The following UVSSA variants were observed in gnomAD, a reference collection of about 807,000 sequenced individuals.
The protein encoded by UVSSA is UV-stimulated scaffold protein A.
A neutral mutation model predicts 73.9 loss-of-function variants in UVSSA; 72 were observed. That is an observed-to-expected ratio of 0.97 (90% CI 0.81 to 1.19). UVSSA has a LOEUF of 1.19. Ranked by LOEUF, UVSSA falls within the 50% of genes most tolerant of loss-of-function variation. The pLI is 0.00. For synonymous variants in UVSSA, 454 were observed against 391.3 expected, an observed-to-expected ratio of 1.16 and a Z score of -1.89; for missense variants, 1,150 against 965.0, an observed-to-expected ratio of 1.19 and a Z score of -2.54.
chr4:1,350,733 C>T (rs1314629648), intron 3 of UVSSA, among the ~76,000 whole-genome samples: 2 of 149,792 alleles, frequency 1.3e-5, no homozygotes, highest in Admixed American at 6.7e-5. Context: ...AGTTTGAGTC[C>T]AGCCTTGGTA....
chr4:1,383,620 A>T, intron 12 of UVSSA, 146 bp from the exon 13 acceptor site: 1 of 889,196 alleles, frequency 1.1e-6, no homozygotes, highest in Non-Finnish European at 1.7e-6. Context: ...GCATCCTCTC[A>T]GGCTTGCTGC....
At chr4:1,354,676 G>C (rs555500665) in intron 5 of UVSSA, 59 bp from the exon 6 acceptor site, 10 of 1,501,760 alleles carry the variant, frequency 6.7e-6, no homozygotes, top group Non-Finnish European at 9.2e-6. Flanking sequence ...CTGCCTCTCC[G>C]GGGCCTGTGG....
intron 10 of UVSSA, among the ~76,000 whole-genome samples, chr4:1,377,935 A>G (rs1434226173): frequency 6.6e-6 from 1 of 152,200 alleles, no homozygotes; most frequent in East Asian, 1.9e-4. Flanking sequence ...ATGGGGGTAC[A>G]TGGGCTGGTG....
In UVSSA at chr4:1,378,730, T is replaced by G. The variant is rs1361041047; in HGVS notation, c.1569-1317T>G. On this transcript the variant is annotated intron_variant, in intron 10 of 13. Coordinates refer to ENST00000389851, the MANE Select transcript of UVSSA (RefSeq NM_020894.4). Reference sequence around the variant, plus strand: ...TCCGGGTGGCAGAATGCATCGCTGCTTCTCCCACGGGGCCTTGGGTGCAGC... The same window carrying G: ...TCCGGGTGGCAGAATGCATCGCTGCGTCTCCCACGGGGCCTTGGGTGCAGC... Among the ~76,000 whole-genome samples the G allele has an allele frequency of 2.6e-5, 4 of 152,180 alleles. No individual in the cohort carries two copies. In the East Asian group the frequency reaches 7.7e-4, roughly 29 times the overall value.
intron 7 of UVSSA, among the ~76,000 whole-genome samples, chr4:1,360,063 T>C (rs533061281): frequency 6.6e-6 from 1 of 152,218 alleles, no homozygotes; most frequent in Non-Finnish European, 1.5e-5. Flanking sequence ...TCAGCGCTGC[T>C]GGGAAACCTT....
chr4:1,372,165 C>T (rs796709826), intron 8 of UVSSA, among the ~76,000 whole-genome samples: 13 of 152,202 alleles, frequency 8.5e-5, no homozygotes, highest in Non-Finnish European at 1.5e-4. Context: ...AATCTTTTTT[C>T]GTCCCTTTAT....
chr4:1,379,591 G>T (rs1033639381), intron 10 of UVSSA, among the ~76,000 whole-genome samples: 4 of 152,200 alleles, frequency 2.6e-5, no homozygotes, highest in African/African-American at 9.6e-5. Flanking sequence ...TCCTGGGTGT[G>T]CTACCGCCCT....
At chr4:1,394,315 T>G in exon 14 of UVSSA, 2 of 1,005,308 alleles carry the variant, frequency 2.0e-6, no homozygotes, top group Non-Finnish European at 2.8e-6. Flanking sequence ...GGCTTCTAAG[T>G]TTTGTGTTCT....
intron 7 of UVSSA, among the ~76,000 whole-genome samples, chr4:1,357,595 G>A (rs910238099): frequency 2.6e-5 from 4 of 152,234 alleles, no homozygotes; most frequent in South Asian, 2.1e-4. Flanking sequence ...CGGTACCAGC[G>A]AGGCCTGCAG....
intron 7 of UVSSA, among the ~76,000 whole-genome samples, chr4:1,355,543 C>T (rs181120839): frequency 6.6e-6 from 1 of 152,210 alleles, no homozygotes; most frequent in African/African-American, 2.4e-5. Flanking sequence ...GGCTGTCCCC[C>T]CCGTGACTCC....
intron 7 of UVSSA, 22 bp downstream of exon 7, chr4:1,355,267 G>A (rs968208926): frequency 6.9e-6 from 11 of 1,597,310 alleles, no homozygotes; most frequent in East Asian, 2.3e-5. Flanking sequence ...GGCGGCGAGC[G>A]GGAAGGGGTC....
chr4:1,371,552 G>A (rs1718040047), intron 8 of UVSSA, among the ~76,000 whole-genome samples: 1 of 152,190 alleles, frequency 6.6e-6, no homozygotes. Context: ...ATTTACAGAA[G>A]AAAGAGGTTT....
upstream of UVSSA, among the ~76,000 whole-genome samples, chr4:1,346,129 G>C (rs915566203): frequency 6.6e-6 from 1 of 152,174 alleles, no homozygotes; most frequent in Non-Finnish European, 1.5e-5. Flanking sequence ...GGCGGCGCAG[G>C]GAGTCCCTCT....
At chr4:1,372,274 T>C (rs1454227429) in intron 8 of UVSSA, among the ~76,000 whole-genome samples, 1 of 152,222 alleles carries the variant, frequency 6.6e-6, no homozygotes, top group Non-Finnish European at 1.5e-5. Flanking sequence ...TTAATCTGAA[T>C]CTGTTTAGTT....
intron 10 of UVSSA, among the ~76,000 whole-genome samples, chr4:1,376,798 C>T (rs1163932731): frequency 2.0e-5 from 3 of 152,210 alleles, no homozygotes; most frequent in Admixed American, 1.3e-4. Flanking sequence ...GAACAGGGCC[C>T]CTGCCGCCGC....
intron 1 of UVSSA, 75 bp downstream of exon 1, chr4:1,347,835 C>CTG (rs1373949582): frequency 2.3e-6 from 1 of 426,862 alleles, no homozygotes; most frequent in East Asian, 4.2e-5. Flanking sequence ...CTTTAACGCA[C>CTG]GACCCTCAAT....
chr4:1,358,999 C>T (rs915352050), intron 7 of UVSSA: 7 of 152,276 alleles, frequency 4.6e-5, no homozygotes, highest in Admixed American at 2.6e-4. Context: ...GGCCGGTGCT[C>T]GTGCTGAGGC....
At chr4:1,375,057 G>T (rs1718584320) in intron 8 of UVSSA, 1 of 363,456 alleles carries the variant, frequency 2.8e-6, no homozygotes, top group East Asian at 5.5e-5. Context: ...CTTCTTTCCA[G>T]CCTGGCGAAT....
chr4:1,358,886 T>C (rs1716198739), intron 7 of UVSSA, among the ~76,000 whole-genome samples: 1 of 152,210 alleles, frequency 6.6e-6, no homozygotes, highest in African/African-American at 2.4e-5. Context: ...TGTTTAGAAC[T>C]TCCAACTAAC....
Sources: allele counts gnomAD v4.1 joint callset (sites outside exome capture counted in the v4.1 genomes callset), GRCh38; gene constraint gnomAD v4.1.1; transcripts MANE v1.5; gene names NCBI Gene and HGNC (gene_info 2026-07-23, HGNC 2026-07-21).